CELSR2: variants seen among roughly 807,000 people sequenced by gnomAD.
The protein encoded by CELSR2 is EGF-like protein 2.
Under a neutral mutation model 251.6 loss-of-function variants are expected in CELSR2, and 81 were observed. The observed-to-expected ratio is 0.32, with a 90% CI of 0.27 to 0.39. The LOEUF (loss-of-function observed/expected upper bound fraction) is 0.39, where lower values mean the gene tolerates loss of function less well. Ranked by LOEUF, CELSR2 falls within the 10% of genes least tolerant of loss-of-function variation. The pLI is 1.00. For synonymous variants in CELSR2, 1,721 were observed against 1,670.5 expected (o/e 1.03, Z -0.74); for missense variants, 3,365 against 3,947.7 (o/e 0.85, Z 3.96).
In CELSR2 at chr1:109,251,683, G is replaced by C; in HGVS notation, c.1604G>C (p.Gly535Ala). Reference protein sequence around the residue: ...LHVQAIDADAGDNARLEYRLA... With the variant: ...LHVQAIDADAADNARLEYRLA... ...GTCCAGGCTATCGACGCTGATGCTG[G>C]TGACAATGCCCGCCTGGAATACCGC... The change falls in exon 1 of 34, where the codon GGT (glycine) becomes GCT (alanine). Residue 535 changes from glycine (G) to alanine (A), a missense_variant. Gly to Ala is a moderately conservative substitution (Grantham distance 60). Around this residue, in one of 5 missense-constraint regions of CELSR2, gnomAD observed 704 missense variants for 784.1 expected, o/e 0.90. Transcript: ENST00000271332. This position sits in a 1 kb window ranked among gnomAD's most constrained non-coding sequence, Gnocchi z 4.9. The C allele has an allele frequency of 6.2e-7, 1 of 1,614,110 alleles. No individual in the cohort carries two copies. Among genetic ancestry groups the C allele is most frequent in the Non-Finnish European group, 8.5e-7 (1 of 1,180,032 alleles).
chr1:109,263,724 G>T lies in CELSR2; in HGVS notation c.4948G>T (p.Asp1650Tyr). 2 of 1,613,872 alleles carry T rather than the reference G, an allele frequency of 1.2e-6. No individual in the cohort carries two copies. Among genetic ancestry groups the T allele is most frequent in the East Asian group, 2.2e-5 (1 of 44,876 alleles). Reference protein sequence around the residue: ...LSLMFRTRQADGVLLQAITRG... With the variant: ...LSLMFRTRQAYGVLLQAITRG... Reference sequence around the variant, plus strand: ...CCTCATGTTCCGCACGCGCCAGGCCGACGGTGTCCTGCTGCAGGCCATCAC... The same window carrying T: ...CCTCATGTTCCGCACGCGCCAGGCCTACGGTGTCCTGCTGCAGGCCATCAC... The change falls in exon 9 of 34, where the codon GAC becomes TAC. Residue 1650 changes from aspartate to tyrosine, a missense_variant. This residue lies in a region of CELSR2 where 2,093 missense variants were observed against 2,382.8 expected (regional missense o/e 0.88). Transcript: ENST00000271332.
intron 2 of CELSR2, among the ~76,000 whole-genome samples, chr1:109,260,444 C>T (rs1047510898): frequency 9.2e-5 from 14 of 152,150 alleles, no homozygotes; most frequent in African/African-American, 2.9e-4. Flanking sequence ...AGTCCTCTGC[C>T]CCATTCCTGG....
rs745426104 is a variant in CELSR2, at chr1:109,259,095, G to T, written c.3958+16G>T. 1 of 1,550,904 alleles carries T rather than the reference G, an allele frequency of 6.4e-7. No individual in the cohort carries two copies. The highest frequency in any genetic ancestry group is 8.7e-7 in the Non-Finnish European group (1 of 1,152,680). ...GGCTACACGGGTGAGCCAAGGGAGG[G>T]GACTCATGGGCCAGCCCTGGAAGGC... On this transcript the variant is annotated intron_variant, in intron 2 of 33. Coordinates refer to ENST00000271332, the MANE Select transcript of CELSR2 (RefSeq NM_001408.3).
At chr1:109,267,717 G>T in intron 16 of CELSR2, 75 bp downstream of exon 16, 1 of 1,570,580 alleles carries the variant, frequency 6.4e-7, no homozygotes. Flanking sequence ...TCCCATCTTT[G>T]AGAACGGGGC....
chr1:109,273,352 CCAGCTGCCGAGCTCCCCTAGTCAG>C lies in CELSR2; in HGVS notation c.8509+21_8509+44del. 6.2e-7 allele frequency: 1 copy of C among 1,601,894 alleles called. No individual in the cohort carries two copies. Among genetic ancestry groups the C allele is most frequent in the East Asian group, 2.2e-5 (1 of 44,796 alleles). On this transcript the variant is annotated intron_variant, in intron 32 of 33. Coordinates refer to ENST00000271332, the MANE Select transcript of CELSR2 (RefSeq NM_001408.3). ...CCTCACAAAGGTGAGTGGGGCACCC[CCAGCTGCCGAGCTCCCCTAGTCAG>C]CAGCCTCATACCTCACATTCTCCTG...
chr1:109,261,494 A>C lies in CELSR2; in HGVS notation c.4182-19A>C, dbSNP rs780487233. 21 of 1,609,684 alleles carry C rather than the reference A, an allele frequency of 1.3e-5. No homozygotes were observed. Among genetic ancestry groups the C allele is most frequent in the Non-Finnish European group, 1.6e-5 (19 of 1,176,032 alleles). On this transcript the variant is annotated intron_variant, in intron 3 of 33. Coordinates refer to ENST00000271332, the MANE Select transcript of CELSR2 (RefSeq NM_001408.3). The surrounding 1 kb of genome is among the most constrained non-coding windows in gnomAD (Gnocchi z 4.8). The stretch of plus-strand genomic sequence containing the variant: ...GGTGGGTACCCCATTCCCTGCCCCC[A>C]TCCCCAACTCCTGTTCAGGTTTGCC...
In CELSR2 at chr1:109,272,658, C is replaced by T. The variant is rs1656405185; in HGVS notation, c.8073C>T (p.Asn2691=). The T allele has an allele frequency of 1.2e-6, 2 of 1,613,618 alleles. No homozygotes were observed. The highest frequency in any genetic ancestry group is 1.3e-5 in the African/African-American group (1 of 75,050). The change falls in exon 30 of 34, where the codon AAC becomes AAT. Residue 2691 remains asparagine (N), a synonymous_variant. Coordinates refer to ENST00000271332, the MANE Select transcript of CELSR2 (RefSeq NM_001408.3). The stretch of plus-strand genomic sequence containing the variant: ...TTCCTAGGGAGGAGTCCGCACTGAA[C>T]CCTGGCCAAGGGCCCCCTGGCCTGG... ...PFLLREESAL[N]PGQGPPGLGD...
At chr1:109,273,365 TC>T (rs763780671) in intron 32 of CELSR2, 29 bp downstream of exon 32, 2 of 1,604,320 alleles carry the variant, frequency 1.2e-6, no homozygotes, top group Non-Finnish European at 1.7e-6. Flanking sequence ...GCTGCCGAGC[TC>T]CCCTAGTCAG....
Position 109,273,490 on chromosome 1 carries a change from G to GGCTCCCCCT in CELSR2, c.8566_8574dup (p.Leu2856_Leu2858dup). On this transcript the variant is annotated inframe_insertion, in exon 33 of 34. Transcript: ENST00000271332. Reference sequence around the variant, plus strand: ...ATCAGCGAGAAGAGCAGCCTCCTGCGGCTCCCCCTGGAGCAATGCACAGGG... The same window carrying GGCTCCCCCT: ...ATCAGCGAGAAGAGCAGCCTCCTGCGGCTCCCCCTGCTCCCCCTGGAGCAATGCACAGGG... The GGCTCCCCCT allele has an allele frequency of 6.2e-7, 1 of 1,611,680 alleles. No homozygotes were observed. Among genetic ancestry groups the GGCTCCCCCT allele is most frequent in the Non-Finnish European group, 8.5e-7 (1 of 1,179,240 alleles).
rs753743892 is a variant in CELSR2, at chr1:109,261,311, T to C, written c.4181+47T>C. 1 of 1,560,170 alleles carries C rather than the reference T, an allele frequency of 6.4e-7. No homozygotes were observed. The highest frequency in any genetic ancestry group is 2.2e-5 in the East Asian group (1 of 44,546). ...GTGGGGAGTGGGCCTGGTGGGCATC[T>C]GAGGTGCCTCCTGTTCTGTGGTTGA... On this transcript the variant is annotated intron_variant, in intron 3 of 33. Coordinates refer to ENST00000271332, the MANE Select transcript of CELSR2 (RefSeq NM_001408.3). The surrounding 1 kb of genome is among the most constrained non-coding windows in gnomAD (Gnocchi z 4.8).
chr1:109,262,410 T>C lies in CELSR2; in HGVS notation c.4510T>C (p.Cys1504Arg). Residue 1504 changes from cysteine to arginine, a missense_variant, in exon 6 of 34, where the codon TGT (cysteine) becomes CGT (arginine). By Grantham distance (180) the Cys-to-Arg change is radical. Coordinates refer to ENST00000271332, the MANE Select transcript of CELSR2 (RefSeq NM_001408.3). ...RFGSVLGNYS[C>R]AAQGTQGGSK... Reference sequence around the variant, plus strand: ...CGGATCTGTCCTGGGCAACTACTCCTGTGCTGCCCAGGGCACCCAGGGTGG... The same window carrying C: ...CGGATCTGTCCTGGGCAACTACTCCCGTGCTGCCCAGGGCACCCAGGGTGG... 1 of 1,614,076 alleles carries C rather than the reference T, an allele frequency of 6.2e-7. No homozygotes were observed. The highest frequency in any genetic ancestry group is 8.5e-7 in the Non-Finnish European group (1 of 1,180,006).
At position 109,262,826 on chromosome 1, in the gene CELSR2, C is replaced by T; in HGVS notation, c.4565C>T (p.Pro1522Leu). Reference sequence around the variant, plus strand: ...CCCAGGTCTCTGGATCTGACGGGGCCCCTGCTACTAGGCGGGGTGCCTGAC... The same window carrying T: ...CCCAGGTCTCTGGATCTGACGGGGCTCCTGCTACTAGGCGGGGTGCCTGAC... ...GSKKSLDLTG[P>L]LLLGGVPDLP... Residue 1522 changes from proline (P) to leucine (L), a missense_variant, in exon 7 of 34, where the codon CCC (proline) becomes CTC (leucine). This residue lies in a region of CELSR2 where 2,093 missense variants were observed against 2,382.8 expected (regional missense o/e 0.88). Coordinates refer to ENST00000271332, the MANE Select transcript of CELSR2 (RefSeq NM_001408.3). 6.2e-7 allele frequency: 1 copy of T among 1,613,276 alleles called. No homozygotes were observed. Among genetic ancestry groups the T allele is most frequent in the Non-Finnish European group, 8.5e-7 (1 of 1,179,778 alleles).
rs924105375 is a variant in CELSR2, at chr1:109,262,989, A to G, written c.4708+20A>G. The G allele has an allele frequency of 3.7e-6, 6 of 1,607,306 alleles. No individual in the cohort carries two copies. In the Admixed American group the frequency reaches 1.0e-4, roughly 27 times the overall value. On this transcript the variant is annotated intron_variant, in intron 7 of 33. Transcript: ENST00000271332. Reference sequence around the variant, plus strand: ...TGCCTGGTATGGGGGCCCGGGGTGGAGCCAGGCTGGGATCCCAGTGCTGAG... The same window carrying G: ...TGCCTGGTATGGGGGCCCGGGGTGGGGCCAGGCTGGGATCCCAGTGCTGAG...
chr1:109,259,119 GCTGA>G, intron 2 of CELSR2, 40 bp downstream of exon 2: 1 of 1,496,298 alleles, frequency 6.7e-7, no homozygotes, highest in Non-Finnish European at 8.9e-7. Flanking sequence ...GCCCTGGAAG[GCTGA>G]CTGTGTGGTG....
Position 109,262,988 on chromosome 1 carries a change from G to A in CELSR2, c.4708+19G>A, listed in dbSNP as rs777984448. 3.7e-6 allele frequency: 6 copies of A among 1,607,590 alleles called. No homozygotes were observed. In the South Asian group the frequency reaches 4.4e-5, roughly 12 times the overall value. On this transcript the variant is annotated intron_variant, in intron 7 of 33. Coordinates refer to ENST00000271332, the MANE Select transcript of CELSR2 (RefSeq NM_001408.3). ...GTGCCTGGTATGGGGGCCCGGGGTGGAGCCAGGCTGGGATCCCAGTGCTGA... is the reference window on the plus strand; with the variant it reads ...GTGCCTGGTATGGGGGCCCGGGGTGAAGCCAGGCTGGGATCCCAGTGCTGA...
At position 109,268,681 on chromosome 1, in the gene CELSR2, A is replaced by T; in HGVS notation, c.6419A>T (p.His2140Leu). 6.2e-7 allele frequency: 1 copy of T among 1,614,054 alleles called. No homozygotes were observed. Among genetic ancestry groups the T allele is most frequent in the Middle Eastern group, 1.6e-4 (1 of 6,062 alleles). Residue 2140 changes from histidine (H) to leucine (L), a missense_variant, in exon 18 of 34, where the codon CAC becomes CTC. By Grantham distance (99) the His-to-Leu change is moderately conservative. Coordinates refer to ENST00000271332, the MANE Select transcript of CELSR2 (RefSeq NM_001408.3). ...TEGGTAWLLQ[H>L]YEAYASALAQ... ...GGTGGCACCGCCTGGCTGCTCCAGC[A>T]CTATGAGGCCTACGCCAGTGCCCTG...
rs1191521270 is a variant in CELSR2, at chr1:109,268,640, G to A, written c.6378G>A (p.Leu2126=). 6.2e-7 allele frequency: 1 copy of A among 1,614,028 alleles called. No individual in the cohort carries two copies. The highest frequency in any genetic ancestry group is 8.5e-7 in the Non-Finnish European group (1 of 1,180,008). Reference sequence around the variant, plus strand: ...CAGCCAACAAGCGGCACTGGGAGCTGATCCAGCAGACAGAGGGTGGCACCG... The same window carrying A: ...CAGCCAACAAGCGGCACTGGGAGCTAATCCAGCAGACAGAGGGTGGCACCG... ...LDTANKRHWE[L]IQQTEGGTAW... is the part of the protein sequence containing the mutation. Residue 2126 remains leucine, a synonymous_variant, in exon 18 of 34, where the codon CTG becomes CTA. Coordinates refer to ENST00000271332, the MANE Select transcript of CELSR2 (RefSeq NM_001408.3).
Position 109,275,338 on chromosome 1 carries a change from ACCTCTCCTCC to A in CELSR2, c.*1299_*1308del, listed in dbSNP as rs1282325192. 6.6e-6 allele frequency: 1 copy of A among 151,838 alleles called. No homozygotes were observed. Among genetic ancestry groups the A allele is most frequent in the African/African-American group, 2.4e-5 (1 of 41,328 alleles). The allele number at this position is 151,838 out of a possible 1,614,324, so 9.4% of individuals were successfully genotyped here. A position where few individuals can be genotyped will look rare whatever the true frequency, so the allele number is the denominator to read the frequency against. ...CCTTGCCCCAGGCCATCATCTCCCC[ACCTCTCCTCC>A]CCTCTCCTCAGTTTTGCCGACTGCT... On this transcript the variant is annotated 3_prime_UTR_variant, in exon 34 of 34. Coordinates refer to ENST00000271332, the MANE Select transcript of CELSR2 (RefSeq NM_001408.3).
chr1:109,261,280 C>G lies in CELSR2; in HGVS notation c.4181+16C>G. ...TGGCCCTCTCGTGAGTGGCTGGGCA[C>G]TGGGGGTGGGGAGTGGGCCTGGTGG... is the stretch of plus-strand genomic sequence containing the variant. On this transcript the variant is annotated intron_variant, in intron 3 of 33. Transcript: ENST00000271332. This position sits in a 1 kb window ranked among gnomAD's most constrained non-coding sequence, Gnocchi z 4.8. The G allele has an allele frequency of 1.2e-6, 2 of 1,609,310 alleles. No individual in the cohort carries two copies. Among genetic ancestry groups the G allele is most frequent in the Non-Finnish European group, 1.7e-6 (2 of 1,177,754 alleles).
Sources: allele counts gnomAD v4.1 joint callset (sites outside exome capture counted in the v4.1 genomes callset), GRCh38; gene constraint gnomAD v4.1.1; regional missense constraint gnomAD v4.1.1; non-coding constraint Gnocchi (gnomAD v3.1); transcripts MANE v1.5; gene names NCBI Gene and HGNC (gene_info 2026-07-23, HGNC 2026-07-21).